The following TTLL9 variants were observed in gnomAD, a reference collection of about 807,000 sequenced individuals.
TTLL9 encodes probable tubulin polyglutamylase TTLL9.
In TTLL9, 47 loss-of-function variants were observed where a neutral mutation model predicts 65.6. That is an observed-to-expected ratio of 0.72 (90% CI 0.57 to 0.91). The LOEUF (loss-of-function observed/expected upper bound fraction) is 0.91, where lower values mean the gene tolerates loss of function less well. Among genes scored for constraint, TTLL9 ranks in the 40% least tolerant of loss-of-function variants. The pLI is 0.00. For synonymous variants in TTLL9, 179 were observed against 204.8 expected (o/e 0.87, Z 1.07); for missense variants, 537 against 568.8 (o/e 0.94, Z 0.57).
intron 3 of TTLL9, among the ~76,000 whole-genome samples, chr20:31,893,240 CT>C (rs913902778): frequency 2.7e-5 from 4 of 150,444 alleles, no homozygotes; most frequent in African/African-American, 4.9e-5. Flanking sequence ...GATGATATTC[CT>C]TTGTCTTCAG....
intron 3 of TTLL9, among the ~76,000 whole-genome samples, chr20:31,895,564 T>A (rs955495024): frequency 6.6e-6 from 1 of 152,156 alleles, no homozygotes; most frequent in African/African-American, 2.4e-5. Context: ...TGAGATGGAG[T>A]CTCACTCTGT....
In TTLL9 at chr20:31,890,083, T is replaced by C. The variant is rs1568752740; in HGVS notation, c.113+2844T>C. Among the ~76,000 whole-genome samples, 166 of 141,568 alleles carry C rather than the reference T, an allele frequency of 1.2e-3. 13 individuals are homozygous for C. Among genetic ancestry groups the C allele is most frequent in the African/African-American group, 4.1e-3 (152 of 36,940 alleles). 92.9% of individuals were successfully genotyped at this position (141,568 alleles called of 152,430 possible). A position where few individuals can be genotyped will look rare whatever the true frequency, so the allele number is the denominator to read the frequency against. On this transcript the variant is annotated intron_variant, in intron 3 of 14. Coordinates refer to ENST00000535842, the MANE Select transcript of TTLL9 (RefSeq NM_001008409.5). ...CTCTTTCTTTCTTGCTTTCTTGCTT[T>C]CTTGCTTTCTTTCCCTCCCTTCCTT...
chr20:31,912,482 G>A (rs990333544), intron 6 of TTLL9, among the ~76,000 whole-genome samples: 5 of 152,158 alleles, frequency 3.3e-5, no homozygotes, highest in Non-Finnish European at 7.3e-5. Flanking sequence ...CCACCCCAGA[G>A]TATGATTCAG....
intron 4 of TTLL9, among the ~76,000 whole-genome samples, chr20:31,900,570 G>A (rs745971370): frequency 2.0e-5 from 3 of 152,296 alleles, no homozygotes; most frequent in Middle Eastern, 3.4e-3. Context: ...AGACACCAGC[G>A]TCTTCTCTTT....
chr20:31,918,629 C>T (rs988965493), intron 6 of TTLL9, among the ~76,000 whole-genome samples: 1 of 152,198 alleles, frequency 6.6e-6, no homozygotes, highest in African/African-American at 2.4e-5. Flanking sequence ...AATAATCCTC[C>T]TACTTCGGCC....
chr20:31,880,147 G>C (rs558588438), intron 2 of TTLL9, among the ~76,000 whole-genome samples: 2 of 152,188 alleles, frequency 1.3e-5, no homozygotes, highest in South Asian at 2.1e-4. Context: ...AGTCCCGCGA[G>C]CCCGGCCAGC....
rs1252590017 is a variant in TTLL9, at chr20:31,909,024, TG to T, written c.318+326del. Among the ~76,000 whole-genome samples the T allele has an allele frequency of 2.6e-5, 4 of 151,696 alleles. No individual in the cohort carries two copies. The East Asian group carries it at 7.8e-4, about 29-fold the overall frequency. On this transcript the variant is annotated intron_variant, in intron 5 of 14. Transcript: ENST00000535842. ...CAGGGTGGAGGCAAGTTGAGAAGTT[TG>T]GGGTCTAAAGATGGGAAGGAGGTCT...
chr20:31,922,177 G>T (rs374983352), intron 7 of TTLL9, among the ~76,000 whole-genome samples: 229 of 151,766 alleles, frequency 1.5e-3, no homozygotes, highest in African/African-American at 5.4e-3. Context: ...AGGCACAAGA[G>T]TTGCTTGAAC....
intron 14 of TTLL9, among the ~76,000 whole-genome samples, chr20:31,942,108 G>A (rs2064220326): frequency 6.6e-6 from 1 of 152,174 alleles, no homozygotes; most frequent in Non-Finnish European, 1.5e-5. Context: ...GAATGGCTGA[G>A]TGAGTGTCTG....
At position 31,890,094 on chromosome 20, in the gene TTLL9, TTCCC is replaced by T. The variant is rs1185924591; in HGVS notation, c.113+2861_113+2864del. 5.6e-3 allele frequency among the ~76,000 whole-genome samples: 583 copies of T among 104,516 alleles called. 39 individuals are homozygous for T. Among genetic ancestry groups the T allele is most frequent in the Middle Eastern group, 0.018 (4 of 218 alleles). The allele number at this position is 104,516 out of a possible 152,430, so 68.6% of individuals were successfully genotyped here. ...TTGCTTTCTTGCTTTCTTGCTTTCT[TTCCC>T]TCCCTTCCTTCCTTCCTTCCTTCCT... is the stretch of plus-strand genomic sequence containing the variant. On this transcript the variant is annotated intron_variant, in intron 3 of 14. Transcript: ENST00000535842.
In TTLL9 at chr20:31,908,573, CCCCCA is replaced by C; in HGVS notation, c.207-8_207-4del. 1 of 1,589,974 alleles carries C rather than the reference CCCCCA, an allele frequency of 6.3e-7. No individual in the cohort carries two copies. The highest frequency in any genetic ancestry group is 8.6e-7 in the Non-Finnish European group (1 of 1,158,312). On this transcript the variant is annotated splice_polypyrimidine_tract_variant and intron_variant, in intron 4 of 14. Transcript: ENST00000535842. ...CCTCAGACCATGACCTTTATCCCCG[CCCCCA>C]CCCCACCCCCAGCGAAGGGGAGTGG...
At chr20:31,933,021 T>C (rs1568834733) in intron 10 of TTLL9, among the ~76,000 whole-genome samples, 1 of 152,046 alleles carries the variant, frequency 6.6e-6, no homozygotes, top group Non-Finnish European at 1.5e-5. Flanking sequence ...ACAACAAGGT[T>C]TGGGGAAGCC....
chr20:31,934,935 G>T, intron 12 of TTLL9, 47 bp downstream of exon 12: 2 of 1,559,080 alleles, frequency 1.3e-6, no homozygotes, highest in South Asian at 2.4e-5. Flanking sequence ...TTGCATACTC[G>T]GCACCCAGAC....
chr20:31,883,200 CTT>C (rs776036423), intron 2 of TTLL9, among the ~76,000 whole-genome samples: 95 of 139,922 alleles, frequency 6.8e-4, no homozygotes, highest in Middle Eastern at 3.6e-3. Context: ...AGAATTCTTT[CTT>C]TTTTTTTTTT....
chr20:31,943,140 C>T lies in TTLL9; in HGVS notation c.*119C>T. The stretch of plus-strand genomic sequence containing the variant: ...CTCCCCACCTCCAGCCTGGCACCAG[C>T]TTTGCTGGCTTAGCAGCTGCAGCTT... On this transcript the variant is annotated 3_prime_UTR_variant, in exon 15 of 15. Transcript: ENST00000535842. 7 of 940,044 alleles carry T rather than the reference C, an allele frequency of 7.4e-6. No homozygotes were observed. The South Asian group carries it at 9.5e-5, about 13-fold the overall frequency. The allele number at this position is 940,044 out of a possible 1,614,324, so 58.2% of individuals were successfully genotyped here.
chr20:31,931,949 G>T (rs777485502), intron 10 of TTLL9, among the ~76,000 whole-genome samples: 1 of 152,084 alleles, frequency 6.6e-6, no homozygotes, highest in Non-Finnish European at 1.5e-5. Flanking sequence ...TATCTAAGAA[G>T]ATCTGCCTAC....
intron 4 of TTLL9, among the ~76,000 whole-genome samples, chr20:31,899,778 T>A (rs2063446678): frequency 6.6e-6 from 1 of 152,028 alleles, no homozygotes; most frequent in African/African-American, 2.4e-5. Context: ...TTGTTTTTTT[T>A]TTTTGAGATG....
rs184270338 is a variant in TTLL9 at position 31,915,583 on chromosome 20, C to T, written c.505-4281C>T. ...TTTATCCTGTGATTTTGTGTATCCC[C>T]GGCACTTTTCAAGAGGTATATGAGC... On this transcript the variant is annotated intron_variant, in intron 6 of 14. Transcript: ENST00000535842. Among the ~76,000 whole-genome samples the T allele has an allele frequency of 1.6e-3, 239 of 152,294 alleles. 1 individual carries two copies. The highest frequency in any genetic ancestry group is 5.5e-3 in the African/African-American group (228 of 41,574).
rs1391200901 is a variant in TTLL9 at position 31,870,855 on chromosome 20, C to G, written c.-100C>G. 1 of 545,146 alleles carries G rather than the reference C, an allele frequency of 1.8e-6. No individual in the cohort carries two copies. Among genetic ancestry groups the G allele is most frequent in the African/African-American group, 1.9e-5 (1 of 51,998 alleles). The allele number at this position is 545,146 out of a possible 1,614,324, so 33.8% of individuals were successfully genotyped here. On this transcript the variant is annotated 5_prime_UTR_variant, in exon 1 of 15. Transcript: ENST00000535842. This position sits in a 1 kb window ranked among gnomAD's most constrained non-coding sequence, Gnocchi z 6.6. Reference sequence around the variant, plus strand: ...GCGGGCCCCGGGGGAAAGCACCCAACTTCTCCCGCCTCGGCTTCTAGCAGA... The same window carrying G: ...GCGGGCCCCGGGGGAAAGCACCCAAGTTCTCCCGCCTCGGCTTCTAGCAGA...
Sources: gnomAD v4.1 joint callset for allele counts (sites outside exome capture counted in the v4.1 genomes callset) on GRCh38, gnomAD v4.1.1 for gene constraint, Gnocchi (gnomAD v3.1) non-coding constraint, MANE v1.5 for transcripts, NCBI Gene and HGNC (gene_info 2026-07-23, HGNC 2026-07-21) for gene names.